The following GRM7 variants were observed in gnomAD, a reference collection of about 807,000 sequenced individuals.
GRM7 encodes glutamate metabotropic receptor 7.
GRM7 carries 35 observed loss-of-function variants against 84.5 expected under a neutral mutation model. That is an observed-to-expected ratio of 0.41 (90% CI 0.32 to 0.55). The LOEUF is 0.55. Among genes scored for constraint, GRM7 ranks in the 20% least tolerant of loss-of-function variants. The probability of loss-of-function intolerance (pLI) is 0.19; values close to 1 mark genes in which losing one functional copy is unlikely to be tolerated. For missense variants in GRM7, 1,003 were observed against 1,194.6 expected (o/e 0.84, Z 2.36); for synonymous variants, 487 against 455.1 (o/e 1.07, Z -0.89).
At chr3:7,401,053 G>A (rs1695427789) in intron 4 of GRM7, among the ~76,000 whole-genome samples, 1 of 152,030 alleles carries the variant, frequency 6.6e-6, no homozygotes, top group Admixed American at 6.6e-5. Flanking sequence ...TGGAGCAGAA[G>A]TTGTATATTA....
intron 9 of GRM7, among the ~76,000 whole-genome samples, chr3:7,696,030 G>A (rs1019919298): frequency 6.6e-6 from 1 of 152,142 alleles, no homozygotes; most frequent in East Asian, 1.9e-4. Context: ...CAAAGTTAGA[G>A]AAGATTTCCA....
chr3:7,253,763 G>A (rs922434450), intron 2 of GRM7, among the ~76,000 whole-genome samples: 1 of 152,126 alleles, frequency 6.6e-6, no homozygotes, highest in Non-Finnish European at 1.5e-5. Flanking sequence ...AGGGTATGGT[G>A]TAGTAAGTCT....
chr3:7,411,033 A>G (rs61479814), intron 4 of GRM7, among the ~76,000 whole-genome samples: 5,988 of 151,992 alleles, frequency 0.039, 335 homozygotes, highest in African/African-American at 0.12. Context: ...AAGCATTCCT[A>G]GGCTTGTGGC....
chr3:7,135,791 G>A (rs1010211868), intron 1 of GRM7, among the ~76,000 whole-genome samples: 1 of 152,122 alleles, frequency 6.6e-6, no homozygotes, highest in African/African-American at 2.4e-5. Flanking sequence ...AACAATTTCA[G>A]AACTTTCATT....
At chr3:7,043,234 G>C (rs375328986) in intron 1 of GRM7, among the ~76,000 whole-genome samples, 1 of 152,142 alleles carries the variant, frequency 6.6e-6, no homozygotes, top group Non-Finnish European at 1.5e-5. Flanking sequence ...ATATTGAAGC[G>C]GGGGGAGGGG....
intron 4 of GRM7, among the ~76,000 whole-genome samples, chr3:7,371,969 C>T (rs1694158536): frequency 1.3e-5 from 2 of 152,072 alleles, no homozygotes; most frequent in African/African-American, 4.8e-5. Flanking sequence ...GTAAAAGATG[C>T]TCAAAGGGAG....
intron 4 of GRM7, among the ~76,000 whole-genome samples, chr3:7,368,614 G>A (rs562793087): frequency 6.6e-6 from 1 of 152,196 alleles, no homozygotes; most frequent in African/African-American, 2.4e-5. Context: ...TGATTTAGTT[G>A]AGAGAGCATG....
chr3:7,393,021 T>C (rs1695062298), intron 4 of GRM7, among the ~76,000 whole-genome samples: 1 of 152,098 alleles, frequency 6.6e-6, no homozygotes, highest in Non-Finnish European at 1.5e-5. Flanking sequence ...AGTATGCACC[T>C]TGGGCCGAGA....
intron 7 of GRM7, among the ~76,000 whole-genome samples, chr3:7,553,414 T>G (rs1224260525): frequency 1.3e-5 from 2 of 152,206 alleles, no homozygotes; most frequent in African/African-American, 2.4e-5. Flanking sequence ...CAAAGTTGCT[T>G]CCACAATTTC....
chr3:7,453,942 A>T (rs1031704067), intron 6 of GRM7, among the ~76,000 whole-genome samples: 4 of 152,122 alleles, frequency 2.6e-5, no homozygotes, highest in Non-Finnish European at 5.9e-5. Flanking sequence ...AGGTGGAGGA[A>T]GGTTAGAATG....
intron 2 of GRM7, among the ~76,000 whole-genome samples, chr3:7,212,198 T>G (rs1013673022): frequency 2.1e-4 from 31 of 150,308 alleles, no homozygotes; most frequent in African/African-American, 6.8e-4. Context: ...CTTTGGGTCT[T>G]TTTTTTTTTT....
chr3:7,652,839 T>C (rs1038708836), intron 8 of GRM7, among the ~76,000 whole-genome samples: 8 of 152,218 alleles, frequency 5.3e-5, no homozygotes, highest in African/African-American at 1.9e-4. Context: ...ATCTAATTCT[T>C]TTTGAAACCT....
chr3:7,656,935 A>C (rs1186995724), intron 8 of GRM7, among the ~76,000 whole-genome samples: 3 of 152,208 alleles, frequency 2.0e-5, no homozygotes, highest in Non-Finnish European at 1.5e-5. Context: ...TGCCACTTGA[A>C]CACTTATGCT....
chr3:7,504,549 A>C (rs753332275), intron 7 of GRM7, among the ~76,000 whole-genome samples: 1 of 152,246 alleles, frequency 6.6e-6, no homozygotes, highest in Non-Finnish European at 1.5e-5. Flanking sequence ...TGGTGTCTGC[A>C]TCTGGTAAGG....
intron 1 of GRM7, among the ~76,000 whole-genome samples, chr3:7,087,673 T>A (rs1237424615): frequency 6.6e-6 from 1 of 152,084 alleles, no homozygotes; most frequent in East Asian, 1.9e-4. Context: ...AGGAAGTAAA[T>A]GAGTACATGT....
At position 7,637,435 on chromosome 3, in the gene GRM7, G is replaced by A. The variant is rs375907320; in HGVS notation, c.2452-42614G>A. Among the ~76,000 whole-genome samples the A allele has an allele frequency of 2.6e-5, 4 of 152,322 alleles. No homozygotes were observed. The South Asian group carries it at 6.2e-4, about 24-fold the overall frequency. ...AGGAACAAATGATGTTTTTGTTGTT[G>A]TCATTCAGGACGGATCGCAATCCTG... On this transcript the variant is annotated intron_variant, in intron 8 of 9. Transcript: ENST00000357716.
chr3:6,872,067 G>A (rs1291289379), intron 1 of GRM7, among the ~76,000 whole-genome samples: 2 of 152,110 alleles, frequency 1.3e-5, no homozygotes, highest in African/African-American at 4.8e-5. Context: ...CATGAGAAGA[G>A]TATGGAAAGA....
intron 8 of GRM7, among the ~76,000 whole-genome samples, chr3:7,661,820 A>AAAAAAAAAAAAAAAAT (rs1699465308): frequency 7.1e-6 from 1 of 141,744 alleles, no homozygotes; most frequent in Admixed American, 7.3e-5. Flanking sequence ...AAAAAAAAAA[A>AAAAAAAAAAAAAAAAT]TGTAAAATGC....
At chr3:7,246,734 T>A (rs1485042847) in intron 2 of GRM7, among the ~76,000 whole-genome samples, 3 of 152,100 alleles carry the variant, frequency 2.0e-5, no homozygotes, top group Non-Finnish European at 4.4e-5. Context: ...TCTCTCCAAA[T>A]TAATCTGTAG....
Sources: allele counts gnomAD v4.1 joint callset (sites outside exome capture counted in the v4.1 genomes callset), GRCh38; gene constraint gnomAD v4.1.1; transcripts MANE v1.5; gene names NCBI Gene and HGNC (gene_info 2026-07-23, HGNC 2026-07-21).